The following CRTAC1 variants were observed in gnomAD, a reference collection of about 807,000 sequenced individuals.
The protein encoded by CRTAC1 is acidic secreted protein in cartilage.
CRTAC1 carries 37 observed loss-of-function variants against 67.8 expected under a neutral mutation model. The ratio of observed to expected loss-of-function variants is 0.55; its 90% confidence interval spans 0.42 to 0.72. The LOEUF is 0.72. Among genes scored for constraint, CRTAC1 ranks in the 30% least tolerant of loss-of-function variants. The pLI, the probability that CRTAC1 is intolerant of heterozygous loss-of-function variation, is 0.00. For missense variants in CRTAC1, 780 were observed against 931.6 expected, an observed-to-expected ratio of 0.84 and a Z score of 2.12; for synonymous variants, 348 against 371.0, an observed-to-expected ratio of 0.94 and a Z score of 0.71.
chr10:97,924,065 G>T (rs1238098071), intron 3 of CRTAC1, among the ~76,000 whole-genome samples: 3 of 152,146 alleles, frequency 2.0e-5, no homozygotes, highest in African/African-American at 4.8e-5. Context: ...TTGGAGGGAG[G>T]TGAAGGACCT....
At chr10:97,890,426 G>C (rs1274604828) in intron 11 of CRTAC1, among the ~76,000 whole-genome samples, 2 of 150,552 alleles carry the variant, frequency 1.3e-5, no homozygotes, top group Non-Finnish European at 2.9e-5. Context: ...TAGGTTAAGA[G>C]GGGGAAAAAA....
At chr10:97,926,569 A>C (rs1212431572) in intron 3 of CRTAC1, among the ~76,000 whole-genome samples, 1 of 152,186 alleles carries the variant, frequency 6.6e-6, no homozygotes, top group Non-Finnish European at 1.5e-5. Context: ...GGTTTATTAC[A>C]TAACACCCCC....
At chr10:97,986,730 C>T (rs150905586) in intron 2 of CRTAC1, among the ~76,000 whole-genome samples, 1 of 152,314 alleles carries the variant, frequency 6.6e-6, no homozygotes, top group East Asian at 1.9e-4. Context: ...CAATTTCATT[C>T]AGACTGGCCC....
chr10:98,013,130 G>A (rs893028269), intron 1 of CRTAC1, among the ~76,000 whole-genome samples: 1 of 152,178 alleles, frequency 6.6e-6, no homozygotes, highest in South Asian at 2.1e-4. Context: ...TTCAAGGGAT[G>A]ACCTCTATTG....
chr10:97,909,419 C>A (rs1318591639), intron 5 of CRTAC1, among the ~76,000 whole-genome samples: 1 of 152,198 alleles, frequency 6.6e-6, no homozygotes, highest in East Asian at 1.9e-4. Flanking sequence ...ATTTACGTTA[C>A]CCTTGAGCCT....
chr10:97,929,132 CTG>C (rs1564898967), intron 3 of CRTAC1, among the ~76,000 whole-genome samples: 1 of 151,936 alleles, frequency 6.6e-6, no homozygotes, highest in Admixed American at 6.5e-5. Context: ...AGCAGGGACA[CTG>C]AGCTTACTGG....
intron 4 of CRTAC1, among the ~76,000 whole-genome samples, 169 bp from the exon 5 acceptor site, chr10:97,917,825 C>T (rs780150610): frequency 7.2e-5 from 11 of 152,146 alleles, no homozygotes; most frequent in Non-Finnish European, 1.5e-4. Flanking sequence ...TCCAGAGGGG[C>T]TTTTCACAAA....
At chr10:97,949,328 C>G (rs987263357) in intron 2 of CRTAC1, among the ~76,000 whole-genome samples, 1 of 152,168 alleles carries the variant, frequency 6.6e-6, no homozygotes, top group African/African-American at 2.4e-5. Context: ...GAAGACAGAC[C>G]CTGCACCAGG....
At chr10:97,965,316 C>T (rs2051597573) in intron 2 of CRTAC1, among the ~76,000 whole-genome samples, 1 of 152,228 alleles carries the variant, frequency 6.6e-6, no homozygotes, top group Admixed American at 6.5e-5. Flanking sequence ...TTCCAGCATC[C>T]TATGAAGTAG....
intron 8 of CRTAC1, among the ~76,000 whole-genome samples, chr10:97,899,720 A>G (rs2050507100): frequency 6.6e-6 from 1 of 152,116 alleles, no homozygotes; most frequent in African/African-American, 2.4e-5. Flanking sequence ...GCTTAGTCAC[A>G]CTCATGCCTT....
rs1415737913 is a variant in CRTAC1 at position 98,022,419 on chromosome 10, CT to C, written c.24+8029del. On this transcript the variant is annotated intron_variant, in intron 1 of 14. Coordinates refer to ENST00000370597, the MANE Select transcript of CRTAC1 (RefSeq NM_018058.7). ...AGAAAAAAAGAGACAGGTACAAAGC[CT>C]CGACACAAGCCATAGGAGGGAGGGA... Among the ~76,000 whole-genome samples, 8 of 151,650 alleles carry C rather than the reference CT, an allele frequency of 5.3e-5. No individual in the cohort carries two copies. The East Asian group carries it at 1.5e-3, about 29-fold the overall frequency.
In CRTAC1 at chr10:97,923,316, C is replaced by G; in HGVS notation, c.506G>C (p.Arg169Pro). 1 of 1,614,158 alleles carries G rather than the reference C, an allele frequency of 6.2e-7. No homozygotes were observed. Among genetic ancestry groups the G allele is most frequent in the Non-Finnish European group, 8.5e-7 (1 of 1,180,034 alleles). Residue 169 changes from arginine to proline, a missense_variant, in exon 4 of 15, where the codon CGT (arginine) becomes CCT (proline). Arg to Pro is a moderately radical substitution (Grantham distance 103, BLOSUM62 -2). Transcript: ENST00000370597. Reference sequence around the variant, plus strand: ...TCCGGCAAAGAGGCTGGCCACACCACGGGCCACGTTGACCTCATCGCTCAG... The same window carrying G: ...TCCGGCAAAGAGGCTGGCCACACCAGGGGCCACGTTGACCTCATCGCTCAG... ...DILSDEVNVA[R>P]GVASLFAGRS...
rs188566001 is a variant in CRTAC1 at position 97,903,686 on chromosome 10, A to G, written c.996+983T>C. Among the ~76,000 whole-genome samples, 4 of 152,202 alleles carry G rather than the reference A, an allele frequency of 2.6e-5. No homozygotes were observed. In the East Asian group the frequency reaches 7.8e-4, roughly 30 times the overall value. On this transcript the variant is annotated intron_variant, in intron 7 of 14. Transcript: ENST00000370597. ...TTTTGGCAGACCTAGGTATCTGCAG[A>G]ACAGTCCTGGATCCCTGAGATCAGC...
In CRTAC1 at chr10:97,895,520, A is replaced by G; in HGVS notation, c.1318-107T>C. On this transcript the variant is annotated intron_variant, in intron 10 of 14. Coordinates refer to ENST00000370597, the MANE Select transcript of CRTAC1 (RefSeq NM_018058.7). This position sits in a 1 kb window ranked among gnomAD's most constrained non-coding sequence, Gnocchi z 4.2. ...GGGGAGAGGGAGAAGAAGGAGGAAG[A>G]GAAGAAAGCAGGCAGAGGAAAAAGA... The G allele has an allele frequency of 1.0e-6, 1 of 989,764 alleles. No homozygotes were observed. Among genetic ancestry groups the G allele is most frequent in the South Asian group, 1.6e-5 (1 of 63,008 alleles). The allele number at this position is 989,764 out of a possible 1,614,324, so 61.3% of individuals were successfully genotyped here.
intron 2 of CRTAC1, among the ~76,000 whole-genome samples, chr10:97,989,799 C>T (rs1412660825): frequency 6.6e-6 from 1 of 152,224 alleles, no homozygotes; most frequent in African/African-American, 2.4e-5. Context: ...TAAGGTCCCA[C>T]AGCTAGGAAG....
intron 1 of CRTAC1, among the ~76,000 whole-genome samples, chr10:98,024,526 T>A (rs889222101): frequency 6.6e-6 from 1 of 152,114 alleles, no homozygotes; most frequent in Admixed American, 6.5e-5. Flanking sequence ...CCTCTTGTCA[T>A]TTGTGGAGCT....
In CRTAC1 at chr10:98,030,469, C is replaced by A; in HGVS notation, c.4G>T (p.Ala2Ser). Reference protein sequence around the residue: MAPSADPGMSRM... With the variant: MSPSADPGMSRM... ...CTCACGCCGGGGTCAGCGCTCGGAG[C>A]CATCCTCCCGCTCTCGGCCCCGCCG... Residue 2 changes from alanine (A) to serine (S), a missense_variant, in exon 1 of 15, where the codon GCT becomes TCT. By Grantham distance (99) the Ala-to-Ser change is moderately conservative. Transcript: ENST00000370597. This position sits in a 1 kb window ranked among gnomAD's most constrained non-coding sequence, Gnocchi z 4.2. 8.0e-7 allele frequency: 1 copy of A among 1,248,806 alleles called. No homozygotes were observed. Among genetic ancestry groups the A allele is most frequent in the South Asian group, 4.1e-5 (1 of 24,502 alleles). The allele number at this position is 1,248,806 out of a possible 1,614,324, so 77.4% of individuals were successfully genotyped here. A position where few individuals can be genotyped will look rare whatever the true frequency, so the allele number is the denominator to read the frequency against.
chr10:98,003,314 A>G (rs1842728259), intron 2 of CRTAC1, among the ~76,000 whole-genome samples: 1 of 152,190 alleles, frequency 6.6e-6, no homozygotes, highest in Admixed American at 6.5e-5. Context: ...GGCTTACAAC[A>G]ATACACACTG....
At chr10:97,996,795 TG>T (rs1450442732) in intron 2 of CRTAC1, among the ~76,000 whole-genome samples, 2 of 152,162 alleles carry the variant, frequency 1.3e-5, no homozygotes, top group Non-Finnish European at 2.9e-5. Flanking sequence ...GTATGTTTAT[TG>T]CAGCACTATT....
Sources: allele counts gnomAD v4.1 joint callset (sites outside exome capture counted in the v4.1 genomes callset), GRCh38; gene constraint gnomAD v4.1.1; non-coding constraint Gnocchi (gnomAD v3.1); transcripts MANE v1.5; gene names NCBI Gene and HGNC (gene_info 2026-07-23, HGNC 2026-07-21).